Variants in DGKH observed in about 807,000 individuals in gnomAD.
DGKH encodes the protein DAG kinase eta.
Under a neutral mutation model 159.3 loss-of-function variants are expected in DGKH, and 90 were observed. That is an observed-to-expected ratio of 0.57 (90% CI 0.48 to 0.67). The LOEUF (loss-of-function observed/expected upper bound fraction) is 0.67. DGKH is among the 30% of genes least tolerant of loss of function. The pLI is 0.00. For synonymous variants in DGKH, 536 were observed against 553.8 expected (o/e 0.97, Z 0.45); for missense variants, 1,181 against 1,506.1 (o/e 0.78, Z 3.57).
chr13:42,155,167 G>A (rs1181931578), intron 3 of DGKH, 124 bp from the exon 4 acceptor site: 2 of 759,388 alleles, frequency 2.6e-6, no homozygotes, highest in African/African-American at 3.6e-5. Flanking sequence ...TTATCATACA[G>A]ATTACAAAAA....
chr13:42,124,973 G>C (rs565214040), intron 1 of DGKH, among the ~76,000 whole-genome samples: 1 of 152,036 alleles, frequency 6.6e-6, no homozygotes, highest in African/African-American at 2.4e-5. Flanking sequence ...TGTGGACTCC[G>C]ACAGCTATAA....
At chr13:42,225,492 T>C (rs1321459700) in intron 29 of DGKH, among the ~76,000 whole-genome samples, 1 of 152,084 alleles carries the variant, frequency 6.6e-6, no homozygotes, top group East Asian at 1.9e-4. Flanking sequence ...TGATAAAAAC[T>C]GGCCAGGCGA....
intron 1 of DGKH, among the ~76,000 whole-genome samples, chr13:42,058,070 G>A (rs1327775376): frequency 6.6e-6 from 1 of 152,168 alleles, no homozygotes; most frequent in East Asian, 1.9e-4. Context: ...GTTTTAGAGG[G>A]CTCTCCACCA....
rs555922659 is a variant in DGKH, at chr13:42,069,288, T to C, written c.192+20323T>C. On this transcript the variant is annotated intron_variant, in intron 1 of 29. Transcript: ENST00000337343. Reference sequence around the variant, plus strand: ...AAACTGATTTATGAGAAAACAGTTCTCCCCATCACTCACAAACTGGCTGTC... The same window carrying C: ...AAACTGATTTATGAGAAAACAGTTCCCCCCATCACTCACAAACTGGCTGTC... The C allele has an allele frequency of 3.8e-5, 40 of 1,066,058 alleles. No homozygotes were observed. The South Asian group carries it at 5.9e-4, about 16-fold the overall frequency. 66.0% of individuals were successfully genotyped at this position (1,066,058 alleles called of 1,614,324 possible).
At position 42,231,648 on chromosome 13, in the gene DGKH, A is replaced by T. The variant is rs1350039191; in HGVS notation, c.*2460A>T. 6.6e-6 allele frequency: 1 copy of T among 152,306 alleles called. No individual in the cohort carries two copies. The highest frequency in any genetic ancestry group is 1.5e-5 in the Non-Finnish European group (1 of 68,042). The allele number at this position is 152,306 out of a possible 1,614,324, so 9.4% of individuals were successfully genotyped here. On this transcript the variant is annotated 3_prime_UTR_variant, in exon 30 of 30. Transcript: ENST00000337343. ...ATATCTATATTGATTTTCACCCCCC[A>T]TTCCCCTTTGCTAATAGAAAAGAGT...
intron 1 of DGKH, among the ~76,000 whole-genome samples, chr13:42,106,934 C>T (rs997141177): frequency 2.6e-5 from 4 of 152,090 alleles, no homozygotes; most frequent in Non-Finnish European, 5.9e-5. Flanking sequence ...ATCACAGCTA[C>T]TCGGAAGGTT....
intron 2 of DGKH, 21 bp downstream of exon 2, chr13:42,127,594 T>C (rs1257608499): frequency 6.2e-7 from 1 of 1,605,150 alleles, no homozygotes; most frequent in African/African-American, 1.3e-5. Context: ...AGAATACTAG[T>C]TTCAAGCAAT....
chr13:42,249,243 G>A (rs927401616), intron 29 of DGKH, among the ~76,000 whole-genome samples: 1 of 151,926 alleles, frequency 6.6e-6, no homozygotes, highest in Non-Finnish European at 1.5e-5. Context: ...GCTTGGTGGC[G>A]CATGCCTGTA....
chr13:42,205,256 C>T (rs910931929), intron 20 of DGKH, among the ~76,000 whole-genome samples: 7 of 152,046 alleles, frequency 4.6e-5, no homozygotes, highest in African/African-American at 9.7e-5. Context: ...TAATTATGCT[C>T]ATTTTTCTTG....
chr13:42,091,337 T>C (rs1324592683), intron 1 of DGKH, among the ~76,000 whole-genome samples: 2 of 152,104 alleles, frequency 1.3e-5, no homozygotes, highest in Admixed American at 6.6e-5. Context: ...AATTAAAAAC[T>C]TCTGTGTGTC....
intron 24 of DGKH, among the ~76,000 whole-genome samples, chr13:42,213,053 T>C (rs1287757031): frequency 1.3e-5 from 2 of 152,148 alleles, no homozygotes; most frequent in African/African-American, 4.8e-5. Context: ...GTGTGGAATG[T>C]AGATGAAGAG....
At chr13:42,225,300 G>C (rs745412553) in intron 29 of DGKH, 1 of 1,585,004 alleles carries the variant, frequency 6.3e-7, no homozygotes. Context: ...AACACAGTAG[G>C]AGAAAAAAGA....
chr13:42,163,108 C>T (rs1227579249), intron 7 of DGKH, among the ~76,000 whole-genome samples: 5 of 149,200 alleles, frequency 3.4e-5, no homozygotes, highest in Middle Eastern at 3.5e-3. Context: ...TGAGAACATG[C>T]GGTGTTTGGT....
chr13:42,049,721 T>C (rs1881126703), intron 1 of DGKH, among the ~76,000 whole-genome samples: 1 of 152,242 alleles, frequency 6.6e-6, no homozygotes, highest in Non-Finnish European at 1.5e-5. Context: ...AAGTTACCTC[T>C]GTGCTGTGTG....
chr13:42,101,934 G>A (rs1954659459), intron 1 of DGKH, among the ~76,000 whole-genome samples: 1 of 152,220 alleles, frequency 6.6e-6, no homozygotes, highest in Non-Finnish European at 1.5e-5. Context: ...GAAACAGGAT[G>A]TTGAGATAGG....
chr13:42,192,406 G>C (rs145291372), intron 16 of DGKH, among the ~76,000 whole-genome samples: 1 of 152,156 alleles, frequency 6.6e-6, no homozygotes, highest in Non-Finnish European at 1.5e-5. Context: ...GTAATTATTA[G>C]GTTTTATGAA....
chr13:42,168,625 G>A, intron 10 of DGKH, 54 bp from the exon 11 acceptor site: 1 of 1,613,648 alleles, frequency 6.2e-7, no homozygotes, highest in East Asian at 2.2e-5. Context: ...CAGAAATGCA[G>A]TAGTCCCTAT....
At chr13:42,175,833 G>A (rs1956588531) in intron 12 of DGKH, among the ~76,000 whole-genome samples, 1 of 152,182 alleles carries the variant, frequency 6.6e-6, no homozygotes, top group Admixed American at 6.6e-5. Flanking sequence ...TTTTTACCTT[G>A]AAAACTGCGA....
rs920113530 is a variant in DGKH, at chr13:42,240,945, C to T, written c.*11757C>T. ...AAGTCAACATGGTGAAACCTCATCT[C>T]TGCTAAAAATACAAAAACTAGCCAG... On this transcript the variant is annotated 3_prime_UTR_variant, in exon 30 of 30. Transcript: ENST00000337343. 3 of 152,106 alleles carry T rather than the reference C, an allele frequency of 2.0e-5. No individual in the cohort carries two copies. The highest frequency in any genetic ancestry group is 4.4e-5 in the Non-Finnish European group (3 of 68,056). The allele number at this position is 152,106 out of a possible 1,614,324, so 9.4% of individuals were successfully genotyped here. A position where few individuals can be genotyped will look rare whatever the true frequency, so the allele number is the denominator to read the frequency against.
Sources: gnomAD v4.1 joint callset for allele counts (sites outside exome capture counted in the v4.1 genomes callset) on GRCh38, gnomAD v4.1.1 for gene constraint, MANE v1.5 for transcripts, NCBI Gene and HGNC (gene_info 2026-07-23, HGNC 2026-07-21) for gene names.